Variants in KHDRBS2 observed in about 807,000 individuals in gnomAD.
KHDRBS2 encodes KH domain-containing, RNA-binding, signal transduction-associated protein 2.
A neutral mutation model predicts 44.3 loss-of-function variants in KHDRBS2; 26 were observed. That is an observed-to-expected ratio of 0.59 (90% CI 0.43 to 0.81). The LOEUF is 0.81. Ranked by LOEUF, KHDRBS2 falls within the 40% of genes least tolerant of loss-of-function variation. The pLI, the probability that KHDRBS2 is intolerant of heterozygous loss-of-function variation, is 0.00. For synonymous variants in KHDRBS2, 194 were observed against 151.1 expected, an observed-to-expected ratio of 1.28 and a Z score of -2.08; for missense variants, 476 against 433.1, an observed-to-expected ratio of 1.10 and a Z score of -0.88.
chr6:61,996,534 C>G (rs183087741), intron 3 of KHDRBS2, among the ~76,000 whole-genome samples: 1 of 152,016 alleles, frequency 6.6e-6, no homozygotes, highest in East Asian at 1.9e-4. Flanking sequence ...ATTCACTTTG[C>G]ATTTTGGATT....
At chr6:62,108,040 A>G (rs1404009390) in intron 2 of KHDRBS2, among the ~76,000 whole-genome samples, 2 of 152,200 alleles carry the variant, frequency 1.3e-5, no homozygotes, top group African/African-American at 4.8e-5. Flanking sequence ...ATGGGCAAGG[A>G]CTTCATGTCT....
chr6:62,194,480 C>CTTTTTTTTTT lies in KHDRBS2; in HGVS notation c.92-17178_92-17169dup, dbSNP rs70996208. ...CACTTTCTTTTCTTTTCTTTTCTTCCTTTTTTTTTTTTTTTTTTTTTTTTT... is the reference window on the plus strand; with the variant it reads ...CACTTTCTTTTCTTTTCTTTTCTTCCTTTTTTTTTTTTTTTTTTTTTTTTTTTTTTTTTTT... On this transcript the variant is annotated intron_variant, in intron 1 of 8. Transcript: ENST00000281156. Among the ~76,000 whole-genome samples, 43 of 69,766 alleles carry CTTTTTTTTTT rather than the reference C, an allele frequency of 6.2e-4. 2 individuals carry two copies. Among genetic ancestry groups the CTTTTTTTTTT allele is most frequent in the Non-Finnish European group, 7.8e-4 (31 of 39,778 alleles). 45.8% of individuals were successfully genotyped at this position (69,766 alleles called of 152,430 possible). A position where few individuals can be genotyped will look rare whatever the true frequency, so the allele number is the denominator to read the frequency against.
intron 3 of KHDRBS2, among the ~76,000 whole-genome samples, chr6:62,041,688 C>G (rs1786560672): frequency 6.6e-6 from 1 of 151,826 alleles, no homozygotes; most frequent in African/African-American, 2.4e-5. Context: ...GTCATTAGGT[C>G]CCTGAAAGTT....
intron 7 of KHDRBS2, among the ~76,000 whole-genome samples, chr6:61,714,797 C>G (rs1369063372): frequency 6.6e-6 from 1 of 151,840 alleles, no homozygotes; most frequent in East Asian, 1.9e-4. Context: ...AACTTAAACA[C>G]AGAAAGACAA....
chr6:61,544,299 T>G, the KHDRBS2 span, among the ~76,000 whole-genome samples: 1 of 152,048 alleles, frequency 6.6e-6, no homozygotes, highest in African/African-American at 2.4e-5. Context: ...AATTAACTAG[T>G]AGCTTCAAAT....
chr6:62,185,091 T>C (rs1199552779), intron 1 of KHDRBS2, among the ~76,000 whole-genome samples: 2 of 151,942 alleles, frequency 1.3e-5, no homozygotes, highest in Non-Finnish European at 2.9e-5. Flanking sequence ...TTTCAAATGA[T>C]GTTATTATAA....
chr6:61,590,351 T>A, the KHDRBS2 span, among the ~76,000 whole-genome samples: 1 of 152,190 alleles, frequency 6.6e-6, no homozygotes, highest in African/African-American at 2.4e-5. Context: ...GTCTCTTGCA[T>A]ACATAACAGC....
intron 8 of KHDRBS2, among the ~76,000 whole-genome samples, chr6:61,682,929 C>T (rs560191728): frequency 6.6e-6 from 1 of 151,998 alleles, no homozygotes; most frequent in South Asian, 2.1e-4. Context: ...TGAATATTTA[C>T]ACCACGTTTA....
intron 3 of KHDRBS2, among the ~76,000 whole-genome samples, chr6:61,981,399 G>A (rs2127405135): frequency 6.6e-6 from 1 of 151,338 alleles, no homozygotes; most frequent in East Asian, 1.9e-4. Flanking sequence ...TACGCTTTAT[G>A]TTAACATTTA....
chr6:61,960,353 G>A (rs9445699), intron 4 of KHDRBS2, among the ~76,000 whole-genome samples: 3,360 of 151,930 alleles, frequency 0.022, 138 homozygotes, highest in African/African-American at 0.078. Context: ...GAACCTTTTG[G>A]AGCAGTTACA....
At chr6:61,790,161 A>G (rs1447532019) in intron 6 of KHDRBS2, among the ~76,000 whole-genome samples, 6 of 151,416 alleles carry the variant, frequency 4.0e-5, no homozygotes, top group African/African-American at 1.5e-4. Context: ...TGCTTTTCAG[A>G]AGATGTCTTT....
intron 6 of KHDRBS2, among the ~76,000 whole-genome samples, chr6:61,783,690 A>T (rs1390412854): frequency 2.0e-5 from 3 of 151,922 alleles, no homozygotes; most frequent in African/African-American, 7.2e-5. Context: ...TTAGAACCCC[A>T]CCATCTCTTA....
At chr6:61,743,868 G>C (rs1408549897) in intron 6 of KHDRBS2, among the ~76,000 whole-genome samples, 1 of 147,904 alleles carries the variant, frequency 6.8e-6, no homozygotes, top group Non-Finnish European at 1.5e-5. Flanking sequence ...CTATGAGTGA[G>C]AACATGCGGT....
At chr6:61,712,015 C>T (rs984848420) in intron 7 of KHDRBS2, among the ~76,000 whole-genome samples, 26 of 151,770 alleles carry the variant, frequency 1.7e-4, no homozygotes, top group African/African-American at 5.8e-4. Flanking sequence ...AAGAGCTGGG[C>T]TTGGCACTCC....
At chr6:62,208,262 C>A (rs1358223334) in intron 1 of KHDRBS2, among the ~76,000 whole-genome samples, 8 of 152,090 alleles carry the variant, frequency 5.3e-5, no homozygotes, top group African/African-American at 1.9e-4. Flanking sequence ...CTTTGTTGCA[C>A]AGGCTTGAGT....
chr6:62,223,229 C>T (rs2150153680), intron 1 of KHDRBS2, among the ~76,000 whole-genome samples: 1 of 152,356 alleles, frequency 6.6e-6, no homozygotes, highest in South Asian at 2.1e-4. Flanking sequence ...CACTCGCAGG[C>T]TCAACACCGC....
intron 6 of KHDRBS2, among the ~76,000 whole-genome samples, chr6:61,775,363 A>C (rs1259107912): frequency 6.6e-6 from 1 of 152,142 alleles, no homozygotes; most frequent in Non-Finnish European, 1.5e-5. Context: ...CCTTGTTTGC[A>C]GATGAGATGA....
At chr6:61,813,982 T>TA (rs35068148) in intron 6 of KHDRBS2, 119,759 of 455,538 alleles carry the variant, frequency 0.26, 17,723 homozygotes, top group South Asian at 0.35. Context: ...TCCATGCCAG[T>TA]AAAAAAAGCT....
chr6:61,629,434 AT>A, the KHDRBS2 span, among the ~76,000 whole-genome samples: 1 of 152,114 alleles, frequency 6.6e-6, no homozygotes, highest in East Asian at 1.9e-4. Flanking sequence ...TTAGCATTCA[AT>A]TTTTTCATTT....
Sources: allele counts gnomAD v4.1 joint callset (sites outside exome capture counted in the v4.1 genomes callset), GRCh38; gene constraint gnomAD v4.1.1; transcripts MANE v1.5; gene names NCBI Gene and HGNC (gene_info 2026-07-23, HGNC 2026-07-21).